MALRD1: variants seen among roughly 807,000 people sequenced by gnomAD.
MALRD1 encodes MAM and LDL receptor class A domain containing 1.
A neutral mutation model predicts 242.1 loss-of-function variants in MALRD1; 247 were observed. The ratio of observed to expected loss-of-function variants is 1.02; its 90% confidence interval spans 0.92 to 1.13. The LOEUF (loss-of-function observed/expected upper bound fraction) is 1.13. Ranked by LOEUF, MALRD1 falls within the 50% of genes most tolerant of loss-of-function variation. The pLI is 0.00. For missense variants in MALRD1, 2,989 were observed against 2,533.1 expected (o/e 1.18, Z -3.86); for synonymous variants, 995 against 866.6 (o/e 1.15, Z -2.60).
chr10:19,354,918 T>C (rs1050522152), intron 26 of MALRD1, among the ~76,000 whole-genome samples: 3 of 152,030 alleles, frequency 2.0e-5, no homozygotes, highest in East Asian at 1.9e-4. Flanking sequence ...AAAAGAAATT[T>C]GGAGAAAAGT....
chr10:19,646,385 C>A (rs1840658265), intron 36 of MALRD1, among the ~76,000 whole-genome samples: 1 of 152,178 alleles, frequency 6.6e-6, no homozygotes, highest in Admixed American at 6.5e-5. Flanking sequence ...GGGCAGATCA[C>A]CTGAGGCCAG....
At chr10:19,694,228 G>A (rs1008127171) in intron 38 of MALRD1, among the ~76,000 whole-genome samples, 5 of 152,258 alleles carry the variant, frequency 3.3e-5, no homozygotes, top group Admixed American at 2.0e-4. Context: ...TGACAAATGG[G>A]ATCTAATTAA....
intron 12 of MALRD1, among the ~76,000 whole-genome samples, chr10:19,164,052 G>A (rs1490315195): frequency 6.6e-6 from 1 of 152,160 alleles, no homozygotes; most frequent in African/African-American, 2.4e-5. Flanking sequence ...AAATGTAATT[G>A]CAGTTGAGAA....
chr10:19,422,672 A>G (rs948164193), intron 28 of MALRD1, among the ~76,000 whole-genome samples: 3 of 152,108 alleles, frequency 2.0e-5, no homozygotes, highest in Non-Finnish European at 1.5e-5. Context: ...AGTAATTACT[A>G]TATTATATCA....
chr10:19,560,800 T>C (rs1045645983), intron 32 of MALRD1, among the ~76,000 whole-genome samples: 1 of 151,358 alleles, frequency 6.6e-6, no homozygotes, highest in Non-Finnish European at 1.5e-5. Context: ...CATCACACAC[T>C]GGGGCCTGTT....
At chr10:19,405,068 G>T (rs541310019) in intron 28 of MALRD1, among the ~76,000 whole-genome samples, 112 of 152,266 alleles carry the variant, frequency 7.4e-4, no homozygotes, top group Middle Eastern at 3.4e-3. Context: ...CAGAATTTGT[G>T]AAAATAATCA....
At chr10:19,527,939 G>C (rs1038481422) in intron 31 of MALRD1, among the ~76,000 whole-genome samples, 1 of 151,842 alleles carries the variant, frequency 6.6e-6, no homozygotes, top group African/African-American at 2.4e-5. Context: ...AAATACCTTG[G>C]ATTTAAAGAA....
At chr10:19,386,142 A>G (rs570346387) in intron 26 of MALRD1, among the ~76,000 whole-genome samples, 5 of 151,632 alleles carry the variant, frequency 3.3e-5, no homozygotes, top group Non-Finnish European at 7.4e-5. Context: ...TTCATCTTCT[A>G]CTCTCTTCCC....
intron 36 of MALRD1, among the ~76,000 whole-genome samples, chr10:19,637,750 C>A (rs1023256333): frequency 1.3e-5 from 2 of 152,052 alleles, no homozygotes; most frequent in Non-Finnish European, 2.9e-5. Flanking sequence ...AGTTTGAGAT[C>A]ACTTCCTTGA....
intron 38 of MALRD1, among the ~76,000 whole-genome samples, chr10:19,719,516 T>C (rs2131901823): frequency 6.6e-6 from 1 of 152,144 alleles, no homozygotes. Flanking sequence ...GCTTTTGTGG[T>C]CAGCATATTT....
chr10:19,515,073 C>A (rs1833566500), intron 31 of MALRD1, among the ~76,000 whole-genome samples: 1 of 142,452 alleles, frequency 7.0e-6, no homozygotes. Context: ...ATTTCTTATG[C>A]TTTAGGACAA....
intron 34 of MALRD1, among the ~76,000 whole-genome samples, chr10:19,607,314 T>C (rs992319726): frequency 1.3e-5 from 2 of 152,142 alleles, no homozygotes; most frequent in Non-Finnish European, 2.9e-5. Flanking sequence ...AAGTCCAAGA[T>C]CAACGTGTAG....
intron 26 of MALRD1, among the ~76,000 whole-genome samples, chr10:19,373,646 ATG>A (rs1230917989): frequency 6.6e-6 from 1 of 152,194 alleles, no homozygotes; most frequent in Non-Finnish European, 1.5e-5. Context: ...CCTTCTAAGG[ATG>A]TGTCTTGTCA....
intron 33 of MALRD1, among the ~76,000 whole-genome samples, chr10:19,586,882 C>T (rs4748601): frequency 0.16 from 24,409 of 152,226 alleles, 2,359 homozygotes; most frequent in East Asian, 0.22. Flanking sequence ...AGCGAGACTC[C>T]GTGGGCCTAG....
At position 19,430,259 on chromosome 10, in the gene MALRD1, C is replaced by T. The variant is rs555726964; in HGVS notation, c.4846-20048C>T. On this transcript the variant is annotated intron_variant, in intron 28 of 39. Coordinates refer to ENST00000454679, the MANE Select transcript of MALRD1 (RefSeq NM_001142308.3). The stretch of plus-strand genomic sequence containing the variant: ...CCTCCCAAGTAGCTGGGACTACAGG[C>T]ACCCACCACCATGCCCGGCTAATTT... 3.8e-3 allele frequency among the ~76,000 whole-genome samples: 568 copies of T among 151,150 alleles called. 4 individuals carry two copies. Among genetic ancestry groups the T allele is most frequent in the African/African-American group, 0.013 (544 of 41,132 alleles).
chr10:19,500,146 C>G (rs1837906034), intron 31 of MALRD1, among the ~76,000 whole-genome samples: 1 of 152,102 alleles, frequency 6.6e-6, no homozygotes, highest in South Asian at 2.1e-4. Flanking sequence ...AGGGAAGAGT[C>G]CCTCCTCCTT....
intron 14 of MALRD1, among the ~76,000 whole-genome samples, chr10:19,180,482 G>A (rs1054580180): frequency 2.0e-5 from 3 of 152,162 alleles, no homozygotes; most frequent in Admixed American, 1.3e-4. Context: ...AAATAGTCTC[G>A]TCAGTAAATG....
intron 18 of MALRD1, among the ~76,000 whole-genome samples, chr10:19,247,319 A>G (rs574248680): frequency 1.1e-4 from 16 of 152,244 alleles, no homozygotes; most frequent in African/African-American, 3.6e-4. Context: ...AATATTCTCA[A>G]CATTCATCAC....
intron 29 of MALRD1, among the ~76,000 whole-genome samples, chr10:19,459,449 C>T (rs1026738426): frequency 1.8e-4 from 28 of 152,168 alleles, no homozygotes; most frequent in African/African-American, 6.5e-4. Flanking sequence ...ACTTCATTGC[C>T]ATGATCAACT....
Sources: gnomAD v4.1 joint callset for allele counts (sites outside exome capture counted in the v4.1 genomes callset) on GRCh38, gnomAD v4.1.1 for gene constraint, MANE v1.5 for transcripts, NCBI Gene and HGNC (gene_info 2026-07-23, HGNC 2026-07-21) for gene names.